Variants in TRAPPC9 observed in about 807,000 individuals in gnomAD.
TRAPPC9 encodes IKK2 binding protein.
A neutral mutation model predicts 124.0 loss-of-function variants in TRAPPC9; 83 were observed. That is an observed-to-expected ratio of 0.67 (90% CI 0.56 to 0.80). The LOEUF (loss-of-function observed/expected upper bound fraction) is 0.80, where lower values mean the gene tolerates loss of function less well. TRAPPC9 is among the 30% of genes least tolerant of loss of function. The probability of loss-of-function intolerance (pLI) is 0.00; values close to 1 mark genes in which losing one functional copy is unlikely to be tolerated. For synonymous variants in TRAPPC9, 638 were observed against 617.5 expected (o/e 1.03, Z -0.49); for missense variants, 1,302 against 1,508.3 (o/e 0.86, Z 2.27).
At chr8:140,270,490 A>C (rs1361834344) in intron 15 of TRAPPC9, among the ~76,000 whole-genome samples, 3 of 152,180 alleles carry the variant, frequency 2.0e-5, no homozygotes, top group Non-Finnish European at 4.4e-5. Flanking sequence ...CTGGAAATAG[A>C]AGAGAAAACC....
intron 7 of TRAPPC9, among the ~76,000 whole-genome samples, chr8:140,378,521 G>A (rs879599587): frequency 5.3e-5 from 8 of 151,952 alleles, no homozygotes; most frequent in East Asian, 1.9e-4. Context: ...GCTTGCAGAC[G>A]GCCTATTGTG....
chr8:139,845,107 G>C (rs891485974), intron 21 of TRAPPC9, among the ~76,000 whole-genome samples: 1 of 152,232 alleles, frequency 6.6e-6, no homozygotes, highest in African/African-American at 2.4e-5. Context: ...ATTTGAGGTA[G>C]CTAAGGATGA....
chr8:139,889,391 G>C (rs1830200132), intron 20 of TRAPPC9, among the ~76,000 whole-genome samples: 1 of 152,186 alleles, frequency 6.6e-6, no homozygotes, highest in Non-Finnish European at 1.5e-5. Context: ...GACAGCCACA[G>C]ATATTTTCTA....
chr8:139,809,673 C>T (rs968777654), intron 21 of TRAPPC9, among the ~76,000 whole-genome samples: 1 of 152,142 alleles, frequency 6.6e-6, no homozygotes, highest in Non-Finnish European at 1.5e-5. Context: ...TGCAGAAGCC[C>T]CCATTCTCTC....
intron 17 of TRAPPC9, among the ~76,000 whole-genome samples, chr8:140,185,426 C>T (rs576032193): frequency 5.3e-5 from 8 of 152,326 alleles, no homozygotes; most frequent in Middle Eastern, 3.4e-3. Context: ...TGTGGAAGTG[C>T]GTTTCTCTCT....
At position 139,729,705 on chromosome 8, in the gene TRAPPC9, C is replaced by G. The variant is rs191473239; in HGVS notation, c.*1356G>C. On this transcript the variant is annotated 3_prime_UTR_variant, in exon 23 of 23. Transcript: ENST00000438773. ...CGAGGGAGGTTTGGGCCTGGGACTT[C>G]AGGTCCTCAGGAAGTTCCCTCAGCC... Among the ~76,000 whole-genome samples the G allele has an allele frequency of 1.8e-4, 28 of 151,358 alleles. No individual in the cohort carries two copies. The highest frequency in any genetic ancestry group is 5.3e-4 in the African/African-American group (22 of 41,170).
At chr8:140,233,468 T>C (rs753903277) in intron 16 of TRAPPC9, among the ~76,000 whole-genome samples, 11 of 152,082 alleles carry the variant, frequency 7.2e-5, no homozygotes, top group Admixed American at 1.3e-4. Flanking sequence ...CCTCTCAAAG[T>C]ACTGGGATTA....
chr8:140,351,989 C>T lies in TRAPPC9; in HGVS notation c.1495+8061G>A, dbSNP rs181683292. ...CAATGTACTATTGGAATACCTTCAC[C>T]GCCTCAACCCCATACCCTTTAGCCA... On this transcript the variant is annotated intron_variant, in intron 9 of 22. Transcript: ENST00000438773. 2.0e-4 allele frequency among the ~76,000 whole-genome samples: 31 copies of T among 152,304 alleles called. No individual in the cohort carries two copies. The East Asian group carries it at 4.6e-3, about 23-fold the overall frequency.
chr8:139,890,011 C>T (rs187582013), intron 20 of TRAPPC9, among the ~76,000 whole-genome samples: 245 of 152,386 alleles, frequency 1.6e-3, no homozygotes, highest in African/African-American at 5.7e-3. Flanking sequence ...GGGGTCCTGC[C>T]TTCCTGCATC....
At chr8:140,227,790 G>A (rs2063488783) in intron 16 of TRAPPC9, among the ~76,000 whole-genome samples, 1 of 152,236 alleles carries the variant, frequency 6.6e-6, no homozygotes, top group Admixed American at 6.5e-5. Context: ...TTCACACCCT[G>A]CAAAGTCAGG....
At chr8:139,868,545 T>C (rs1032391337) in intron 21 of TRAPPC9, among the ~76,000 whole-genome samples, 2 of 152,178 alleles carry the variant, frequency 1.3e-5, no homozygotes, top group African/African-American at 4.8e-5. Flanking sequence ...TAGCTCATCA[T>C]TATGATTTTG....
At chr8:139,948,234 A>C (rs1228790481) in intron 19 of TRAPPC9, among the ~76,000 whole-genome samples, 1 of 147,676 alleles carries the variant, frequency 6.8e-6, no homozygotes, top group Non-Finnish European at 1.5e-5. Flanking sequence ...TGAGTGGGGG[A>C]AGATGGTTCA....
chr8:139,809,940 G>A (rs188664353), intron 21 of TRAPPC9, among the ~76,000 whole-genome samples: 4 of 152,180 alleles, frequency 2.6e-5, no homozygotes, highest in Admixed American at 6.5e-5. Context: ...TCCTGTGTGC[G>A]CTGAAAGCAG....
chr8:140,090,511 G>T (rs117285621), intron 17 of TRAPPC9, among the ~76,000 whole-genome samples: 69 of 152,334 alleles, frequency 4.5e-4, no homozygotes, highest in African/African-American at 1.6e-3. Context: ...CTCCACTGGC[G>T]TATTACCAAG....
chr8:140,182,657 C>T lies in TRAPPC9; in HGVS notation c.2556+38802G>A. Among the ~76,000 whole-genome samples the T allele has an allele frequency of 6.6e-6, 1 of 152,176 alleles. No homozygotes were observed. The highest frequency in any genetic ancestry group is 1.9e-4 in the East Asian group (1 of 5,192). ...ATTCTCCAATAAAGAATATTAGGAG[C>T]TGGCAGAACAAATCTTTGTGCCATT... On this transcript the variant is annotated intron_variant, in intron 17 of 22. Coordinates refer to ENST00000438773, the MANE Select transcript of TRAPPC9 (RefSeq NM_001160372.4). This position sits in a 1 kb window ranked among gnomAD's most constrained non-coding sequence, Gnocchi z 4.0.
intron 11 of TRAPPC9, among the ~76,000 whole-genome samples, chr8:140,299,023 G>T (rs115790224): frequency 0.017 from 2,555 of 152,322 alleles, 83 homozygotes; most frequent in African/African-American, 0.059. Flanking sequence ...AGCACCGCTA[G>T]AGATGGTGGG....
At chr8:140,011,641 C>A (rs1839135078) in intron 18 of TRAPPC9, among the ~76,000 whole-genome samples, 1 of 135,140 alleles carries the variant, frequency 7.4e-6, no homozygotes. Context: ...GTAGCTGGGA[C>A]TACAGGTGCA....
chr8:140,085,014 G>C (rs754815646), intron 17 of TRAPPC9, among the ~76,000 whole-genome samples: 1 of 152,202 alleles, frequency 6.6e-6, no homozygotes, highest in Non-Finnish European at 1.5e-5. Context: ...GACTCTGAAA[G>C]CTTTACATCT....
At chr8:139,752,857 CACCCATCCAACATCT>C (rs1459615772) in intron 21 of TRAPPC9, among the ~76,000 whole-genome samples, 1 of 151,228 alleles carries the variant, frequency 6.6e-6, no homozygotes, top group African/African-American at 2.4e-5. Context: ...TCCATCCATC[CACCCATCCAACATCT>C]ACCCATCCAA....
Sources: gnomAD v4.1 joint callset for allele counts (sites outside exome capture counted in the v4.1 genomes callset) on GRCh38, gnomAD v4.1.1 for gene constraint, Gnocchi (gnomAD v3.1) non-coding constraint, MANE v1.5 for transcripts, NCBI Gene and HGNC (gene_info 2026-07-23, HGNC 2026-07-21) for gene names.